MYO1H: variants seen among roughly 807,000 people sequenced by gnomAD.
MYO1H encodes the protein unconventional myosin-Ih.
A neutral mutation model predicts 149.3 loss-of-function variants in MYO1H; 118 were observed. That is an observed-to-expected ratio of 0.79 (90% CI 0.68 to 0.92). The LOEUF is 0.92. Ranked by LOEUF, MYO1H falls within the 40% of genes least tolerant of loss-of-function variation. The pLI is 0.00. For missense variants in MYO1H, 1,212 were observed against 1,280.7 expected, an observed-to-expected ratio of 0.95 and a Z score of 0.82; for synonymous variants, 447 against 465.2, an observed-to-expected ratio of 0.96 and a Z score of 0.50.
chr12:109,337,027 A>G, the MYO1H span, among the ~76,000 whole-genome samples: 1 of 152,164 alleles, frequency 6.6e-6, no homozygotes, highest in Non-Finnish European at 1.5e-5. Flanking sequence ...ACCCCATCCC[A>G]AAACTAAGAC....
At chr12:109,340,768 A>G in the MYO1H span, among the ~76,000 whole-genome samples, 1 of 152,232 alleles carries the variant, frequency 6.6e-6, no homozygotes, top group African/African-American at 2.4e-5. Flanking sequence ...AACTCCGGCA[A>G]ATCTGTCTAT....
chr12:109,361,204 AAAAGTG>A (rs1174716750), intron 1 of MYO1H, among the ~76,000 whole-genome samples: 1 of 152,192 alleles, frequency 6.6e-6, no homozygotes, highest in African/African-American at 2.4e-5. Context: ...CCACACACTG[AAAAGTG>A]CATAAAATAA....
chr12:109,334,918 C>T, the MYO1H span, among the ~76,000 whole-genome samples: 37 of 152,184 alleles, frequency 2.4e-4, no homozygotes, highest in Admixed American at 5.9e-4. Context: ...AAAAGAAACC[C>T]TGTACCCATT....
upstream of MYO1H, among the ~76,000 whole-genome samples, chr12:109,344,157 C>G (rs1335331416): frequency 2.0e-5 from 3 of 152,102 alleles, no homozygotes; most frequent in Middle Eastern, 3.2e-3. Context: ...ACCACAGAGG[C>G]AGGGTGTTAT....
intron 2 of MYO1H, among the ~76,000 whole-genome samples, chr12:109,391,148 G>A (rs1443467485): frequency 6.6e-6 from 1 of 152,196 alleles, no homozygotes; most frequent in Non-Finnish European, 1.5e-5. Flanking sequence ...TAAACGTGCT[G>A]TGGTGGTTTG....
chr12:109,345,513 A>T (rs11066352), upstream of MYO1H, among the ~76,000 whole-genome samples: 3,962 of 152,290 alleles, frequency 0.026, 69 homozygotes, highest in Middle Eastern at 0.061. Flanking sequence ...CTTGGTGGGA[A>T]TGTAAAATGA....
chr12:109,327,135 T>TC, the MYO1H span, among the ~76,000 whole-genome samples: 1 of 119,680 alleles, frequency 8.4e-6, no homozygotes, highest in African/African-American at 3.2e-5. Context: ...TTTCTTTTTC[T>TC]TTTTTTTTTT....
At chr12:109,410,415 T>A (rs1870616474) in intron 12 of MYO1H, among the ~76,000 whole-genome samples, 1 of 152,226 alleles carries the variant, frequency 6.6e-6, no homozygotes, top group South Asian at 2.1e-4. Flanking sequence ...GTACTGGGAT[T>A]ACAGGTGTGA....
At chr12:109,377,826 A>G (rs1044381586) in intron 1 of MYO1H, among the ~76,000 whole-genome samples, 2 of 152,264 alleles carry the variant, frequency 1.3e-5, no homozygotes, top group African/African-American at 4.8e-5. Context: ...AAAGAATAGT[A>G]TAATGAATCT....
chr12:109,436,732 T>TA (rs1871876657), intron 22 of MYO1H, among the ~76,000 whole-genome samples, 176 bp downstream of exon 22: 1 of 152,120 alleles, frequency 6.6e-6, no homozygotes, highest in Non-Finnish European at 1.5e-5. Flanking sequence ...GATTATAACA[T>TA]AGTGGCCTGT....
At chr12:109,438,390 TTCA>T (rs906126984) in intron 22 of MYO1H, 143 bp from the exon 23 acceptor site, 2 of 681,510 alleles carry the variant, frequency 2.9e-6, no homozygotes, top group Non-Finnish European at 5.2e-6. Context: ...ACTGATGACA[TTCA>T]TCCGACCTTC....
At chr12:109,353,737 C>T (rs919938623) in intron 1 of MYO1H, among the ~76,000 whole-genome samples, 3 of 152,070 alleles carry the variant, frequency 2.0e-5, no homozygotes, top group Admixed American at 1.3e-4. Flanking sequence ...CTGCAACCCC[C>T]GCCTCCCAGG....
chr12:109,437,010 CAGG>C (rs1169806132), intron 22 of MYO1H, among the ~76,000 whole-genome samples: 2 of 152,084 alleles, frequency 1.3e-5, no homozygotes, highest in African/African-American at 4.8e-5. Flanking sequence ...AGGGCTGATG[CAGG>C]AGGACTGTTT....
the MYO1H span, among the ~76,000 whole-genome samples, chr12:109,338,991 A>G: frequency 6.6e-6 from 1 of 152,158 alleles, no homozygotes; most frequent in Non-Finnish European, 1.5e-5. Flanking sequence ...ATATTTTTCC[A>G]TAAGAGAATA....
At chr12:109,334,941 C>T in the MYO1H span, among the ~76,000 whole-genome samples, 1 of 152,166 alleles carries the variant, frequency 6.6e-6, no homozygotes, top group Non-Finnish European at 1.5e-5. Flanking sequence ...CAGTCTCTCC[C>T]TTTTCCCCTC....
intron 10 of MYO1H, among the ~76,000 whole-genome samples, chr12:109,409,209 T>TTCTC (rs1870534371): frequency 7.5e-6 from 1 of 133,924 alleles, no homozygotes; most frequent in African/African-American, 2.7e-5. Context: ...TTCTCCTTCT[T>TTCTC]CTTCTCCTTC....
chr12:109,377,269 G>A (rs1237911035), intron 1 of MYO1H, among the ~76,000 whole-genome samples: 1 of 152,172 alleles, frequency 6.6e-6, no homozygotes, highest in Non-Finnish European at 1.5e-5. Context: ...CTGATGGCTG[G>A]AAAGTTCAAG....
At chr12:109,367,333 T>C (rs1868885091) in intron 1 of MYO1H, among the ~76,000 whole-genome samples, 1 of 152,112 alleles carries the variant, frequency 6.6e-6, no homozygotes, top group African/African-American at 2.4e-5. Flanking sequence ...GAAAAAGAGA[T>C]ACAAAAGCCC....
At chr12:109,432,756 A>G in intron 19 of MYO1H, 141 bp from the exon 20 acceptor site, 1 of 646,254 alleles carries the variant, frequency 1.5e-6, no homozygotes, top group East Asian at 2.6e-5. Flanking sequence ...AATTCGAGAA[A>G]GTTCGTGTAA....
Sources: allele counts gnomAD v4.1 joint callset (sites outside exome capture counted in the v4.1 genomes callset), GRCh38; gene constraint gnomAD v4.1.1; transcripts MANE v1.5; gene names NCBI Gene and HGNC (gene_info 2026-07-23, HGNC 2026-07-21).